The following LRP1B variants were observed in gnomAD, a reference collection of about 807,000 sequenced individuals.
The protein encoded by LRP1B is LDL receptor related protein 1B.
A neutral mutation model predicts 556.6 loss-of-function variants in LRP1B; 217 were observed. The observed-to-expected ratio is 0.39, with a 90% CI of 0.35 to 0.44. LRP1B has a LOEUF of 0.44. Ranked by LOEUF, LRP1B falls within the 20% of genes least tolerant of loss-of-function variation. LRP1B has a pLI of 1.00. For missense variants in LRP1B, 5,053 were observed against 5,620.8 expected (o/e 0.90, Z 3.23); for synonymous variants, 2,047 against 1,865.8 (o/e 1.10, Z -2.50).
At chr2:141,501,792 C>A (rs1184254649) in intron 2 of LRP1B, among the ~76,000 whole-genome samples, 1 of 152,124 alleles carries the variant, frequency 6.6e-6, no homozygotes, top group Non-Finnish European at 1.5e-5. Flanking sequence ...TTGGCTGTAG[C>A]TACAGCATAT....
At chr2:140,593,519 A>C (rs1682310584) in intron 43 of LRP1B, among the ~76,000 whole-genome samples, 1 of 152,156 alleles carries the variant, frequency 6.6e-6, no homozygotes, top group African/African-American at 2.4e-5. Context: ...TTAATAACTA[A>C]ATTTCCCAAA....
intron 37 of LRP1B, among the ~76,000 whole-genome samples, chr2:140,712,920 G>A (rs1313292541): frequency 6.6e-6 from 1 of 151,588 alleles, no homozygotes; most frequent in African/African-American, 2.4e-5. Context: ...GCCTCAAATG[G>A]CTGTTTTTGT....
At chr2:141,236,839 T>C (rs1369019963) in intron 5 of LRP1B, among the ~76,000 whole-genome samples, 3 of 152,148 alleles carry the variant, frequency 2.0e-5, no homozygotes, top group South Asian at 2.1e-4. Context: ...GCAGAGGTCA[T>C]TGGGAAAAAT....
At chr2:140,515,969 T>C (rs1490024216) in intron 50 of LRP1B, among the ~76,000 whole-genome samples, 3 of 152,080 alleles carry the variant, frequency 2.0e-5, no homozygotes, top group Non-Finnish European at 4.4e-5. Flanking sequence ...TGTTTTCCTA[T>C]TGGAAATTTC....
chr2:141,436,643 T>C (rs1573943508), intron 3 of LRP1B, among the ~76,000 whole-genome samples: 1 of 152,120 alleles, frequency 6.6e-6, no homozygotes, highest in Admixed American at 6.6e-5. Context: ...CACTGCACTT[T>C]AATAAAATTG....
rs927310644 is a variant in LRP1B, at chr2:141,861,883, T to C, written c.83-51482A>G. Among the ~76,000 whole-genome samples the C allele has an allele frequency of 3.3e-5, 5 of 151,582 alleles. No individual in the cohort carries two copies. The South Asian group carries it at 1.0e-3, about 32-fold the overall frequency. On this transcript the variant is annotated intron_variant, in intron 1 of 90. Transcript: ENST00000389484. ...AGGTGGAGGTTACAGTGAGCCAAGA[T>C]AGTGCCACTGCACTTTAGCCTGGGC... is the stretch of plus-strand genomic sequence containing the variant.
At chr2:140,798,356 G>GA (rs901888128) in intron 32 of LRP1B, among the ~76,000 whole-genome samples, 1 of 151,926 alleles carries the variant, frequency 6.6e-6, no homozygotes, top group Non-Finnish European at 1.5e-5. Flanking sequence ...ACATTTAAAA[G>GA]AAAAAAATAA....
At chr2:141,124,792 TAATA>T (rs1282502647) in intron 7 of LRP1B, among the ~76,000 whole-genome samples, 1 of 152,142 alleles carries the variant, frequency 6.6e-6, no homozygotes, top group Non-Finnish European at 1.5e-5. Flanking sequence ...TTTGTTAAAT[TAATA>T]GATAGGGAAA....
chr2:140,477,371 A>G (rs1322071514), intron 59 of LRP1B, among the ~76,000 whole-genome samples: 1 of 152,120 alleles, frequency 6.6e-6, no homozygotes, highest in Non-Finnish European at 1.5e-5. Flanking sequence ...ATTGCATATA[A>G]GAAAATAAAA....
chr2:141,341,936 G>T (rs1688072110), intron 3 of LRP1B, among the ~76,000 whole-genome samples: 1 of 152,000 alleles, frequency 6.6e-6, no homozygotes, highest in South Asian at 2.1e-4. Flanking sequence ...AAATGTTAAG[G>T]TCATTGAAAG....
intron 2 of LRP1B, among the ~76,000 whole-genome samples, chr2:141,692,724 G>A (rs149573675): frequency 1.3e-5 from 2 of 152,008 alleles, no homozygotes; most frequent in East Asian, 2.0e-4. Flanking sequence ...AAACATAGAT[G>A]GTGCAGCCTA....
intron 80 of LRP1B, among the ~76,000 whole-genome samples, chr2:140,324,774 AT>A (rs1680371403): frequency 6.6e-6 from 1 of 151,886 alleles, no homozygotes; most frequent in Non-Finnish European, 1.5e-5. Flanking sequence ...GTGTCTTTAT[AT>A]TCATATATTT....
chr2:141,685,443 C>T, intron 2 of LRP1B, among the ~76,000 whole-genome samples: 1 of 151,972 alleles, frequency 6.6e-6, no homozygotes, highest in East Asian at 1.9e-4. Context: ...GATGTAAATC[C>T]TTGGAGGCCA....
At chr2:141,873,682 C>T (rs1186651201) in intron 1 of LRP1B, among the ~76,000 whole-genome samples, 1 of 151,756 alleles carries the variant, frequency 6.6e-6, no homozygotes, top group Admixed American at 6.6e-5. Flanking sequence ...ACCAAGGCTC[C>T]TTGAAGAAAT....
intron 18 of LRP1B, among the ~76,000 whole-genome samples, chr2:140,968,384 T>TA (rs1696299350): frequency 6.6e-6 from 1 of 152,292 alleles, no homozygotes; most frequent in South Asian, 2.1e-4. Flanking sequence ...ATATCCGTTT[T>TA]ATCATTTTTT....
chr2:141,383,664 G>A lies in LRP1B; in HGVS notation c.343+96732C>T, dbSNP rs146215663. On this transcript the variant is annotated intron_variant, in intron 3 of 90. Coordinates refer to ENST00000389484, the MANE Select transcript of LRP1B (RefSeq NM_018557.3). ...CCATCTGTATATATGCAGTAAAGTA[G>A]TATTCAGGCTTTAAAAGGCAGGAAA... Among the ~76,000 whole-genome samples, 458 of 152,236 alleles carry A rather than the reference G, an allele frequency of 3.0e-3. 2 individuals are homozygous for A. Among genetic ancestry groups the A allele is most frequent in the African/African-American group, 0.01 (425 of 41,568 alleles).
At chr2:141,286,449 C>T (rs1685724708) in intron 3 of LRP1B, among the ~76,000 whole-genome samples, 1 of 152,020 alleles carries the variant, frequency 6.6e-6, no homozygotes, top group African/African-American at 2.4e-5. Flanking sequence ...TCTGTCAGAT[C>T]TTGGTATTAG....
intron 41 of LRP1B, among the ~76,000 whole-genome samples, chr2:140,688,415 T>G (rs1056250857): frequency 2.3e-4 from 35 of 152,162 alleles, no homozygotes; most frequent in African/African-American, 7.0e-4. Flanking sequence ...ATAAACCACA[T>G]GTGATTATCA....
intron 51 of LRP1B, among the ~76,000 whole-genome samples, chr2:140,511,290 G>GTTTTTTTTT (rs1178038693): frequency 2.4e-5 from 2 of 82,620 alleles, no homozygotes; most frequent in African/African-American, 1.2e-4. Context: ...TCCTCTAAGG[G>GTTTTTTTTT]TCTTTTTTTT....
Sources: allele counts gnomAD v4.1 joint callset (sites outside exome capture counted in the v4.1 genomes callset), GRCh38; gene constraint gnomAD v4.1.1; transcripts MANE v1.5; gene names NCBI Gene and HGNC (gene_info 2026-07-23, HGNC 2026-07-21).